MYO3B: variants seen among roughly 807,000 people sequenced by gnomAD.
The protein encoded by MYO3B is myosin IIIB, also known as myosin-IIIb.
MYO3B carries 156 observed loss-of-function variants against 174.6 expected under a neutral mutation model. That is an observed-to-expected ratio of 0.89 (90% confidence interval 0.78 to 1.02). MYO3B has a LOEUF of 1.02. MYO3B is among the 50% of genes least tolerant of loss of function. The pLI is 0.00. For synonymous variants in MYO3B, 563 were observed against 569.1 expected (o/e 0.99, Z 0.15); for missense variants, 1,632 against 1,639.4 (o/e 1.00, Z 0.08).
At chr2:170,568,307 G>A (rs1488388673) in intron 32 of MYO3B, among the ~76,000 whole-genome samples, 1 of 152,160 alleles carries the variant, frequency 6.6e-6, no homozygotes, top group African/African-American at 2.4e-5. Flanking sequence ...GTAATAACAG[G>A]GGCAGAGTAT....
At chr2:170,545,730 TCTTC>T (rs1457764053) in intron 32 of MYO3B, among the ~76,000 whole-genome samples, 1 of 152,232 alleles carries the variant, frequency 6.6e-6, no homozygotes, top group Non-Finnish European at 1.5e-5. Context: ...TAGAGTTGTC[TCTTC>T]CTTCCAGTCT....
intron 7 of MYO3B, among the ~76,000 whole-genome samples, chr2:170,271,565 G>C (rs1490669093): frequency 2.0e-5 from 3 of 152,190 alleles, no homozygotes; most frequent in Non-Finnish European, 4.4e-5. Context: ...CTTTGCCTAA[G>C]TGTGGAATCT....
intron 32 of MYO3B, among the ~76,000 whole-genome samples, chr2:170,566,333 A>C (rs1179036187): frequency 6.6e-6 from 1 of 151,902 alleles, no homozygotes; most frequent in African/African-American, 2.4e-5. Flanking sequence ...ACATGGTGAC[A>C]AATAAAAATT....
intron 7 of MYO3B, among the ~76,000 whole-genome samples, chr2:170,322,100 G>A (rs1044453891): frequency 3.5e-5 from 5 of 141,526 alleles, no homozygotes; most frequent in Admixed American, 7.3e-5. Context: ...GTGAAAGAGC[G>A]AGACTCCGTC....
intron 8 of MYO3B, among the ~76,000 whole-genome samples, chr2:170,348,959 A>G (rs950605064): frequency 2.6e-5 from 4 of 152,182 alleles, no homozygotes; most frequent in African/African-American, 9.7e-5. Context: ...AGCAGCTTTC[A>G]TAATACTCTC....
At chr2:170,400,463 T>C in intron 17 of MYO3B, 149 bp downstream of exon 17, 1 of 986,544 alleles carries the variant, frequency 1.0e-6, no homozygotes, top group Non-Finnish European at 1.5e-6. Flanking sequence ...TGGAGTCCAG[T>C]GGTGCAATCT....
At chr2:170,291,357 A>G (rs375822604) in intron 7 of MYO3B, among the ~76,000 whole-genome samples, 4 of 152,294 alleles carry the variant, frequency 2.6e-5, no homozygotes, top group African/African-American at 9.6e-5. Context: ...CTCAGTTTAC[A>G]TAGTTTTATA....
intron 7 of MYO3B, among the ~76,000 whole-genome samples, chr2:170,251,031 CT>C (rs1263444416): frequency 6.6e-6 from 1 of 152,000 alleles, no homozygotes; most frequent in East Asian, 1.9e-4. Flanking sequence ...ACAGGAATGC[CT>C]GTTTTCACTT....
chr2:170,404,587 G>A (rs537319768), intron 20 of MYO3B, among the ~76,000 whole-genome samples, 187 bp downstream of exon 20: 9 of 152,162 alleles, frequency 5.9e-5, no homozygotes, highest in African/African-American at 1.4e-4. Flanking sequence ...CAAACCCATC[G>A]CTATTCCTAA....
chr2:170,190,121 A>G (rs920796746), intron 1 of MYO3B, among the ~76,000 whole-genome samples: 1 of 152,180 alleles, frequency 6.6e-6, no homozygotes, highest in African/African-American at 2.4e-5. Context: ...TGGTGGTCTT[A>G]GATAAGATCT....
At chr2:170,421,030 T>A (rs563959327) in intron 22 of MYO3B, among the ~76,000 whole-genome samples, 1 of 152,200 alleles carries the variant, frequency 6.6e-6, no homozygotes, top group South Asian at 2.1e-4. Context: ...TTTTTGTCCA[T>A]TTGGTTGGCA....
chr2:170,405,338 A>G lies in MYO3B; in HGVS notation c.2432-207A>G, dbSNP rs566815327. ...AGGAGAATATACGATCTTAGAGCAC[A>G]GCCTGACATTAAGACAATGCTACAC... On this transcript the variant is annotated intron_variant, in intron 20 of 34. Transcript: ENST00000408978. Among the ~76,000 whole-genome samples, 10 of 152,348 alleles carry G rather than the reference A, an allele frequency of 6.6e-5. No homozygotes were observed. In the East Asian group the frequency reaches 1.7e-3, roughly 26 times the overall value.
chr2:170,199,749 G>T (rs191620146), intron 2 of MYO3B, among the ~76,000 whole-genome samples: 1 of 152,186 alleles, frequency 6.6e-6, no homozygotes, highest in Admixed American at 6.5e-5. Context: ...GAGCACCGGG[G>T]TTATAATGCT....
intron 23 of MYO3B, among the ~76,000 whole-genome samples, chr2:170,462,842 C>T (rs1381515642): frequency 3.9e-5 from 6 of 152,200 alleles, no homozygotes; most frequent in South Asian, 2.1e-4. Context: ...ATTGGGTTTC[C>T]GAGTGATTTG....
intron 1 of MYO3B, among the ~76,000 whole-genome samples, chr2:170,196,702 A>G (rs2092604290): frequency 6.6e-6 from 1 of 152,208 alleles, no homozygotes; most frequent in Non-Finnish European, 1.5e-5. Flanking sequence ...AGTGGGGAAG[A>G]TTTGATCTAG....
chr2:170,593,578 G>T (rs1169535305), intron 32 of MYO3B, among the ~76,000 whole-genome samples: 2 of 152,202 alleles, frequency 1.3e-5, no homozygotes, highest in Admixed American at 1.3e-4. Flanking sequence ...GCTAACACTG[G>T]CTCTCTCCTG....
Position 170,386,285 on chromosome 2 carries a change from C to T in MYO3B, c.1374+13C>T, listed in dbSNP as rs1420748678. 3 of 1,608,024 alleles carry T rather than the reference C, an allele frequency of 1.9e-6. No individual in the cohort carries two copies. Among genetic ancestry groups the T allele is most frequent in the Non-Finnish European group, 2.6e-6 (3 of 1,175,212 alleles). On this transcript the variant is annotated intron_variant, in intron 13 of 34. Transcript: ENST00000408978. ...TTTCTTGGGAAAGGTATTGACTAAT[C>T]TGCTTTACGTATTGTGGCGAGAAGT...
intron 8 of MYO3B, chr2:170,342,206 TG>T (rs2093981343): frequency 6.6e-6 from 1 of 152,248 alleles, no homozygotes; most frequent in African/African-American, 2.4e-5. Flanking sequence ...TTAGTGCTTG[TG>T]GCGCATTATA....
chr2:170,203,547 C>T (rs1354806241), intron 3 of MYO3B, among the ~76,000 whole-genome samples: 2 of 151,170 alleles, frequency 1.3e-5, no homozygotes, highest in South Asian at 2.1e-4. Flanking sequence ...ACAGAGAGAC[C>T]GACAGACCGA....
Sources: allele counts gnomAD v4.1 joint callset (sites outside exome capture counted in the v4.1 genomes callset), GRCh38; gene constraint gnomAD v4.1.1; transcripts MANE v1.5; gene names NCBI Gene and HGNC (gene_info 2026-07-23, HGNC 2026-07-21).